STARD13: variants seen among roughly 807,000 people sequenced by gnomAD.
STARD13 encodes StAR related lipid transfer domain containing 13, also known as stAR-related lipid transfer protein 13.
STARD13 carries 62 observed loss-of-function variants against 106.4 expected under a neutral mutation model. That is an observed-to-expected ratio of 0.58 (90% confidence interval 0.48 to 0.72). The LOEUF is 0.72. Ranked by LOEUF, STARD13 falls within the 30% of genes least tolerant of loss-of-function variation. The probability of loss-of-function intolerance (pLI) is 0.00; values close to 1 mark genes in which losing one functional copy is unlikely to be tolerated. For synonymous variants in STARD13, 565 were observed against 553.0 expected (o/e 1.02, Z -0.31); for missense variants, 1,387 against 1,424.0 (o/e 0.97, Z 0.42).
At chr13:33,169,246 G>T (rs772637053) in intron 1 of STARD13, among the ~76,000 whole-genome samples, 12 of 152,222 alleles carry the variant, frequency 7.9e-5, no homozygotes, top group Non-Finnish European at 1.8e-4. Flanking sequence ...GAATTGTGCT[G>T]CCTGGGCTAA....
At chr13:33,420,020 C>T in the STARD13 span, among the ~76,000 whole-genome samples, 1 of 152,312 alleles carries the variant, frequency 6.6e-6, no homozygotes, top group African/African-American at 2.4e-5. Flanking sequence ...TGGTAAAGAC[C>T]ATTGATGCTA....
At chr13:33,337,241 A>T (rs1051499567) in intron 1 of STARD13, among the ~76,000 whole-genome samples, 16 of 152,176 alleles carry the variant, frequency 1.1e-4, no homozygotes, top group African/African-American at 3.9e-4. Context: ...TTTTCTGAGT[A>T]AGTACCCTAG....
chr13:33,523,434 G>A, the STARD13 span, among the ~76,000 whole-genome samples: 6 of 151,958 alleles, frequency 3.9e-5, no homozygotes, highest in Non-Finnish European at 8.8e-5. Flanking sequence ...ATATTTATTT[G>A]TAAAATTATT....
At chr13:33,336,748 C>A (rs573165110) in intron 1 of STARD13, 2 of 62,688 alleles carry the variant, frequency 3.2e-5, no homozygotes, top group Admixed American at 2.3e-4. Flanking sequence ...ACAGCAAGAC[C>A]CTGTATCAGA....
chr13:33,585,066 T>C, the STARD13 span, among the ~76,000 whole-genome samples: 1 of 152,176 alleles, frequency 6.6e-6, no homozygotes, highest in Non-Finnish European at 1.5e-5. Context: ...TATTTCTTTA[T>C]AGCAATGTGA....
chr13:33,649,724 T>A, the STARD13 span, among the ~76,000 whole-genome samples: 2 of 151,918 alleles, frequency 1.3e-5, no homozygotes, highest in Admixed American at 1.3e-4. Context: ...CTTCTGAATT[T>A]AAAAAAAATT....
At chr13:33,242,379 A>G (rs993290853) in intron 1 of STARD13, among the ~76,000 whole-genome samples, 9 of 152,226 alleles carry the variant, frequency 5.9e-5, no homozygotes, top group Non-Finnish European at 1.3e-4. Flanking sequence ...AAGTAGACAT[A>G]GGAGACTCCA....
intron 1 of STARD13, among the ~76,000 whole-genome samples, chr13:33,327,916 G>A (rs74662200): frequency 0.018 from 2,679 of 152,250 alleles, 93 homozygotes; most frequent in African/African-American, 0.061. Flanking sequence ...TTTCTTGTGC[G>A]GTTCAAAAGT....
rs141205557 is a variant in STARD13 at position 33,301,684 on chromosome 13, C to T, written c.124+48606G>A. On this transcript the variant is annotated intron_variant, in intron 1 of 5. Transcript: ENST00000567873. ...CCAGGTTCATGCCATTCTCCTGCCT[C>T]AGCCTCCTGAGTAGCTGGGACTACC... is the stretch of plus-strand genomic sequence containing the variant. Among the ~76,000 whole-genome samples, 850 of 151,030 alleles carry T rather than the reference C, an allele frequency of 5.6e-3. 9 individuals carry two copies. Among genetic ancestry groups the T allele is most frequent in the African/African-American group, 0.019 (771 of 41,160 alleles).
the STARD13 span, among the ~76,000 whole-genome samples, chr13:33,402,020 G>A: frequency 6.6e-6 from 1 of 152,196 alleles, no homozygotes; most frequent in Admixed American, 6.5e-5. Context: ...GCATTAAACT[G>A]TAGCTGCCAA....
chr13:33,587,346 A>G, the STARD13 span, among the ~76,000 whole-genome samples: 1 of 152,170 alleles, frequency 6.6e-6, no homozygotes, highest in Non-Finnish European at 1.5e-5. Flanking sequence ...TCTAGGAGCC[A>G]GACATTAAGG....
At chr13:33,224,682 CA>C (rs1594130208) in intron 1 of STARD13, among the ~76,000 whole-genome samples, 2 of 152,158 alleles carry the variant, frequency 1.3e-5, no homozygotes, top group African/African-American at 4.8e-5. Flanking sequence ...CACCACATGC[CA>C]AAAAGAGTTA....
chr13:33,603,081 G>A, the STARD13 span, among the ~76,000 whole-genome samples: 1 of 152,024 alleles, frequency 6.6e-6, no homozygotes, highest in African/African-American at 2.4e-5. Context: ...GGATCCCTCG[G>A]GCCTCTCAAA....
chr13:33,204,333 C>T (rs1887258738), intron 1 of STARD13, among the ~76,000 whole-genome samples: 1 of 152,182 alleles, frequency 6.6e-6, no homozygotes, highest in Non-Finnish European at 1.5e-5. Context: ...ACGCACATCT[C>T]TCAATGACTA....
upstream of STARD13, among the ~76,000 whole-genome samples, chr13:33,286,637 T>C (rs1892072098): frequency 6.6e-6 from 1 of 152,084 alleles, no homozygotes; most frequent in Admixed American, 6.6e-5. Context: ...CAATGCTAGG[T>C]GAGCAATATT....
the STARD13 span, among the ~76,000 whole-genome samples, chr13:33,435,004 G>C: frequency 6.6e-6 from 1 of 152,154 alleles, no homozygotes; most frequent in Non-Finnish European, 1.5e-5. Flanking sequence ...AAACTAGTTG[G>C]GGAAAGAGTC....
the STARD13 span, among the ~76,000 whole-genome samples, chr13:33,593,423 G>A: frequency 6.6e-6 from 1 of 152,126 alleles, no homozygotes; most frequent in Non-Finnish European, 1.5e-5. Flanking sequence ...GACCTCAGGT[G>A]ATCCCCGCCT....
At chr13:33,541,127 A>T in the STARD13 span, among the ~76,000 whole-genome samples, 1 of 152,214 alleles carries the variant, frequency 6.6e-6, no homozygotes, top group Non-Finnish European at 1.5e-5. Flanking sequence ...GCAATCCCTC[A>T]ATTTAAGGTT....
chr13:33,637,645 A>G, the STARD13 span, among the ~76,000 whole-genome samples: 1 of 152,182 alleles, frequency 6.6e-6, no homozygotes, highest in Admixed American at 6.5e-5. Context: ...CTAACATGGC[A>G]TTTTCTATCA....
Sources: allele counts gnomAD v4.1 joint callset (sites outside exome capture counted in the v4.1 genomes callset), GRCh38; gene constraint gnomAD v4.1.1; transcripts MANE v1.5; gene names NCBI Gene and HGNC (gene_info 2026-07-23, HGNC 2026-07-21).